Variants in DTD1 observed in about 807,000 individuals in gnomAD.
DTD1 encodes the protein D-tyrosyl-tRNA deacylase 1 homolog.
A neutral mutation model predicts 25.6 loss-of-function variants in DTD1; 13 were observed. The observed-to-expected ratio is 0.51, with a 90% CI of 0.33 to 0.81. DTD1 has a LOEUF of 0.81. Ranked by LOEUF, DTD1 falls within the 30% of genes least tolerant of loss-of-function variation. DTD1 has a pLI of 0.02. For missense variants in DTD1, 193 were observed against 266.4 expected, an observed-to-expected ratio of 0.72 and a Z score of 1.92; for synonymous variants, 110 against 103.6, an observed-to-expected ratio of 1.06 and a Z score of -0.37.
At chr20:18,696,248 C>T (rs2061075644) in intron 4 of DTD1, among the ~76,000 whole-genome samples, 1 of 152,074 alleles carries the variant, frequency 6.6e-6, no homozygotes, top group Admixed American at 6.6e-5. Context: ...ATTCCCCCAC[C>T]TCTCAGACAC....
intron 4 of DTD1, among the ~76,000 whole-genome samples, chr20:18,708,286 T>A (rs11699546): frequency 0.32 from 6,618 of 20,950 alleles, 937 homozygotes; most frequent in Non-Finnish European, 0.38. Flanking sequence ...TAATATATAT[T>A]ATATATATAT....
At chr20:18,687,725 G>A (rs190501620) in intron 4 of DTD1, among the ~76,000 whole-genome samples, 2 of 151,890 alleles carry the variant, frequency 1.3e-5, no homozygotes, top group East Asian at 3.9e-4. Flanking sequence ...TTTATTTTTT[G>A]GAGAGACGGG....
intron 3 of DTD1, among the ~76,000 whole-genome samples, chr20:18,600,306 G>A (rs1251632462): frequency 1.3e-5 from 2 of 152,080 alleles, no homozygotes; most frequent in African/African-American, 4.8e-5. Flanking sequence ...TTGTCTAGAG[G>A]CGCTTTTTTG....
intron 4 of DTD1, among the ~76,000 whole-genome samples, chr20:18,640,880 T>C (rs1355994219): frequency 2.6e-5 from 4 of 152,050 alleles, no homozygotes; most frequent in African/African-American, 9.7e-5. Context: ...ATCTACCCGC[T>C]TCGGCCTCCC....
At chr20:18,751,841 G>GTT (rs149413679) in intron 5 of DTD1, among the ~76,000 whole-genome samples, 318 of 147,240 alleles carry the variant, frequency 2.2e-3, no homozygotes, top group East Asian at 5.5e-3. Context: ...TAGACTTGTA[G>GTT]TTTTTTTTTT....
intron 3 of DTD1, among the ~76,000 whole-genome samples, chr20:18,614,870 CCTTCCTTCCTTT>C (rs1205360185): frequency 6.6e-6 from 1 of 151,882 alleles, no homozygotes; most frequent in Non-Finnish European, 1.5e-5. Flanking sequence ...TCAATCCCTT[CCTTCCTTCCTTT>C]CTTCCTTCTA....
intron 4 of DTD1, among the ~76,000 whole-genome samples, chr20:18,689,563 C>T (rs1208286003): frequency 2.0e-5 from 3 of 152,032 alleles, no homozygotes; most frequent in Non-Finnish European, 2.9e-5. Context: ...TGGACAGTGG[C>T]ATATGGAGAG....
At chr20:18,689,068 A>T (rs6112066) in intron 4 of DTD1, among the ~76,000 whole-genome samples, 117,448 of 152,198 alleles carry the variant, frequency 0.77, 46,970 homozygotes, top group South Asian at 0.96. Context: ...GCTGTGTTAA[A>T]GTTTAATGCG....
chr20:18,751,621 T>C (rs2061321546), intron 5 of DTD1, among the ~76,000 whole-genome samples: 1 of 152,064 alleles, frequency 6.6e-6, no homozygotes, highest in African/African-American at 2.4e-5. Context: ...GCCTCCCTAG[T>C]AGCTGAGATT....
At chr20:18,677,952 A>G (rs1422041847) in intron 4 of DTD1, among the ~76,000 whole-genome samples, 1 of 152,242 alleles carries the variant, frequency 6.6e-6, no homozygotes, top group Non-Finnish European at 1.5e-5. Context: ...GAGGAAAGAG[A>G]AGAGCTCACT....
At chr20:18,705,233 A>G (rs1391056262) in intron 4 of DTD1, among the ~76,000 whole-genome samples, 1 of 152,190 alleles carries the variant, frequency 6.6e-6, no homozygotes, top group Non-Finnish European at 1.5e-5. Context: ...TTTGCTTTTC[A>G]GGATATCAGG....
At chr20:18,692,728 A>G (rs1568670924) in intron 4 of DTD1, among the ~76,000 whole-genome samples, 1 of 152,180 alleles carries the variant, frequency 6.6e-6, no homozygotes, top group African/African-American at 2.4e-5. Context: ...CCTATAAATT[A>G]TGTTTACTTT....
chr20:18,636,435 A>G (rs1426791947), intron 4 of DTD1, among the ~76,000 whole-genome samples: 2 of 152,196 alleles, frequency 1.3e-5, no homozygotes, highest in Non-Finnish European at 2.9e-5. Flanking sequence ...AGTAATGGAG[A>G]GAGAATGAAA....
chr20:18,692,916 C>T (rs549814815), intron 4 of DTD1, among the ~76,000 whole-genome samples: 6 of 99,638 alleles, frequency 6.0e-5, no homozygotes, highest in African/African-American at 2.4e-4. Context: ...TTTTTTGAGA[C>T]AGAGTCTTGC....
chr20:18,722,727 C>T (rs895712500), intron 4 of DTD1, among the ~76,000 whole-genome samples: 13 of 152,126 alleles, frequency 8.5e-5, no homozygotes, highest in African/African-American at 3.1e-4. Context: ...GTAGGTGGAC[C>T]TGCTGGGACT....
intron 4 of DTD1, among the ~76,000 whole-genome samples, chr20:18,634,089 G>A (rs1410955904): frequency 1.3e-5 from 2 of 152,232 alleles, no homozygotes; most frequent in African/African-American, 4.8e-5. Flanking sequence ...AGGAGAACAC[G>A]ATTCTGGTAG....
chr20:18,635,896 A>G (rs1338268050), intron 4 of DTD1, among the ~76,000 whole-genome samples: 3 of 152,218 alleles, frequency 2.0e-5, no homozygotes, highest in Admixed American at 6.5e-5. Context: ...GCAAAAATTG[A>G]AAAGAGTTTT....
At chr20:18,662,105 T>A (rs1212420843) in intron 4 of DTD1, among the ~76,000 whole-genome samples, 2 of 152,048 alleles carry the variant, frequency 1.3e-5, no homozygotes, top group African/African-American at 2.4e-5. Flanking sequence ...TGAGCTATGA[T>A]TGCACCACTG....
Position 18,618,712 on chromosome 20 carries a change from C to CATAT in DTD1, c.371-9413_371-9410dup, listed in dbSNP as rs34162044. On this transcript the variant is annotated intron_variant, in intron 3 of 5. Coordinates refer to ENST00000377452, the MANE Select transcript of DTD1 (RefSeq NM_080820.6). The stretch of plus-strand genomic sequence containing the variant: ...ACACACACACACACACACACACACA[C>CATAT]ATATAATTTTTTTTTTTGAGATGGA... Among the ~76,000 whole-genome samples, 17 of 138,762 alleles carry CATAT rather than the reference C, an allele frequency of 1.2e-4. No homozygotes were observed. The East Asian group carries it at 3.3e-3, about 27-fold the overall frequency. 91.0% of individuals were successfully genotyped at this position (138,762 alleles called of 152,430 possible). A position where few individuals can be genotyped will look rare whatever the true frequency, so the allele number is the denominator to read the frequency against.
Sources: gnomAD v4.1 joint callset for allele counts (sites outside exome capture counted in the v4.1 genomes callset) on GRCh38, gnomAD v4.1.1 for gene constraint, MANE v1.5 for transcripts, NCBI Gene and HGNC (gene_info 2026-07-23, HGNC 2026-07-21) for gene names.